The following MPHOSPH6 variants were observed in gnomAD, a reference collection of about 807,000 sequenced individuals.
MPHOSPH6 encodes M-phase phosphoprotein 6.
A neutral mutation model predicts 21.8 loss-of-function variants in MPHOSPH6; 25 were observed. The observed-to-expected ratio is 1.15, with a 90% CI of 0.83 to 1.60. The LOEUF (loss-of-function observed/expected upper bound fraction) is 1.60. Ranked by LOEUF, MPHOSPH6 falls within the 40% of genes most tolerant of loss-of-function variation. The probability of loss-of-function intolerance (pLI) is 0.00; values close to 1 mark genes in which losing one functional copy is unlikely to be tolerated. For missense variants in MPHOSPH6, 269 were observed against 181.8 expected (o/e 1.48, Z -2.76); for synonymous variants, 84 against 56.5 (o/e 1.49, Z -2.18).
At chr16:82,155,725 G>C (rs903580597) in intron 2 of MPHOSPH6, among the ~76,000 whole-genome samples, 2 of 152,090 alleles carry the variant, frequency 1.3e-5, no homozygotes, top group African/African-American at 4.8e-5. Flanking sequence ...CCAACACGGA[G>C]AAACAGTGTC....
intron 2 of MPHOSPH6, among the ~76,000 whole-genome samples, chr16:82,157,034 G>A (rs1906450006): frequency 6.6e-6 from 1 of 152,084 alleles, no homozygotes; most frequent in Non-Finnish European, 1.5e-5. Flanking sequence ...TTGGGCAACA[G>A]AGCGAGACTC....
intron 2 of MPHOSPH6, among the ~76,000 whole-genome samples, chr16:82,157,110 T>C (rs975173523): frequency 1.3e-5 from 2 of 151,692 alleles, no homozygotes; most frequent in Admixed American, 6.6e-5. Context: ...CAATCATGAG[T>C]TCTTTAACAT....
At chr16:82,157,074 A>G (rs1034341614) in intron 2 of MPHOSPH6, among the ~76,000 whole-genome samples, 1 of 152,060 alleles carries the variant, frequency 6.6e-6, no homozygotes, top group African/African-American at 2.4e-5. Flanking sequence ...AAATAAAAAT[A>G]AAAAAATAAA....
At chr16:82,155,330 A>G (rs1291896431) in intron 2 of MPHOSPH6, among the ~76,000 whole-genome samples, 3 of 152,238 alleles carry the variant, frequency 2.0e-5, no homozygotes, top group African/African-American at 7.2e-5. Context: ...GTCCTTAGCC[A>G]TGAAATAAAT....
chr16:82,167,927 C>T (rs1194384662), intron 1 of MPHOSPH6, among the ~76,000 whole-genome samples: 2 of 152,174 alleles, frequency 1.3e-5, no homozygotes, highest in Non-Finnish European at 2.9e-5. Context: ...CTGGTTAAGG[C>T]ACCCTAAGTG....
intron 2 of MPHOSPH6, among the ~76,000 whole-genome samples, chr16:82,163,203 G>A (rs12102917): frequency 0.65 from 98,335 of 152,162 alleles, 33,933 homozygotes; most frequent in Admixed American, 0.77. Flanking sequence ...ATCAGGTACA[G>A]AATGGAAACA....
intron 2 of MPHOSPH6, 153 bp downstream of exon 2, chr16:82,163,929 T>G (rs962626116): frequency 5.2e-6 from 3 of 574,536 alleles, no homozygotes; most frequent in African/African-American, 3.8e-5. Context: ...ACAACTTCTA[T>G]AGGTTTAATA....
intron 3 of MPHOSPH6, among the ~76,000 whole-genome samples, chr16:82,149,983 T>C (rs1906211608): frequency 6.6e-6 from 1 of 151,526 alleles, no homozygotes; most frequent in African/African-American, 2.4e-5. Flanking sequence ...CTCTTTCACA[T>C]AAACCTTTTT....
chr16:82,158,094 T>C (rs1188309087), intron 2 of MPHOSPH6, among the ~76,000 whole-genome samples: 3 of 152,128 alleles, frequency 2.0e-5, no homozygotes, highest in African/African-American at 7.2e-5. Flanking sequence ...CAGTTTCACA[T>C]TAGAATGTTC....
Position 82,148,809 on chromosome 16 carries a change from A to G in MPHOSPH6, c.405T>C (p.His135=). 2 of 1,614,072 alleles carry G rather than the reference A, an allele frequency of 1.2e-6. No individual in the cohort carries two copies. The highest frequency in any genetic ancestry group is 1.7e-6 in the Non-Finnish European group (2 of 1,180,010). The stretch of plus-strand genomic sequence containing the variant: ...CATTTTCATCTTCTTCATAATTGGC[A>G]TGGTCTCTCTTTCTGGCAAACTTTT... ...IGKKFARKRD[H]ANYEEDENGD... is the part of the protein sequence containing the mutation. The change falls in exon 5 of 5, where the codon CAT becomes CAC. Residue 135 remains histidine (H), a synonymous_variant. Transcript: ENST00000258169.
intron 1 of MPHOSPH6, among the ~76,000 whole-genome samples, chr16:82,168,030 A>C (rs1906843023): frequency 6.6e-6 from 1 of 152,162 alleles, no homozygotes. Flanking sequence ...CTTATCAATG[A>C]CCAAAGCTGC....
At chr16:82,162,351 C>T (rs1011700021) in intron 2 of MPHOSPH6, 1 of 152,236 alleles carries the variant, frequency 6.6e-6, no homozygotes, top group African/African-American at 2.4e-5. Flanking sequence ...CAATACAACA[C>T]GTATACCAAG....
In MPHOSPH6 at chr16:82,151,448, G is replaced by A. The variant is rs938381247; in HGVS notation, c.231C>T (p.Phe77=). ...CEDLLYGRMS[F]RGFNPEVEKL... ...CCTCAACCTCAGGATTAAATCCTCTGAATGACATTCTTCCATAGAGAAGAT... is the reference window on the plus strand; with the variant it reads ...CCTCAACCTCAGGATTAAATCCTCTAAATGACATTCTTCCATAGAGAAGAT... Residue 77 remains phenylalanine (F), a synonymous_variant, in exon 3 of 5, where the codon TTC becomes TTT. Transcript: ENST00000258169. 1.9e-6 allele frequency: 3 copies of A among 1,606,744 alleles called. No homozygotes were observed. The highest frequency in any genetic ancestry group is 2.5e-6 in the Non-Finnish European group (3 of 1,176,992).
intron 1 of MPHOSPH6, among the ~76,000 whole-genome samples, chr16:82,168,771 C>G (rs10514533): frequency 0.14 from 22,006 of 152,166 alleles, 2,302 homozygotes; most frequent in Admixed American, 0.34. Flanking sequence ...TGCGAATGGC[C>G]TATCTTTCAA....
rs1405320581 is a variant in MPHOSPH6, at chr16:82,151,524, A to G, written c.165-10T>C. ...TTCTATTATGAAACTCCTAAATGGGAAAATAAAAATAGCATTTCTCCATAT... is the reference window on the plus strand; with the variant it reads ...TTCTATTATGAAACTCCTAAATGGGGAAATAAAAATAGCATTTCTCCATAT... On this transcript the variant is annotated splice_polypyrimidine_tract_variant and intron_variant, in intron 2 of 4. Coordinates refer to ENST00000258169, the MANE Select transcript of MPHOSPH6 (RefSeq NM_005792.2). The G allele has an allele frequency of 6.4e-7, 1 of 1,566,016 alleles. No homozygotes were observed. The highest frequency in any genetic ancestry group is 8.6e-7 in the Non-Finnish European group (1 of 1,161,224).
At chr16:82,169,627 T>C (rs1906904948) in intron 1 of MPHOSPH6, among the ~76,000 whole-genome samples, 1 of 152,202 alleles carries the variant, frequency 6.6e-6, no homozygotes, top group African/African-American at 2.4e-5. Context: ...TCTGAAGAAC[T>C]CTACTAAAAG....
At chr16:82,151,813 T>C (rs72835384) in intron 2 of MPHOSPH6, among the ~76,000 whole-genome samples, 1,716 of 152,358 alleles carry the variant, frequency 0.011, 14 homozygotes, top group Middle Eastern at 0.034. Flanking sequence ...TTTGCCAAAG[T>C]TGAAGCAAAG....
chr16:82,154,143 T>C (rs1417281582), intron 2 of MPHOSPH6, among the ~76,000 whole-genome samples: 2 of 152,346 alleles, frequency 1.3e-5, no homozygotes, highest in African/African-American at 4.8e-5. Context: ...AAATTTACCC[T>C]GCAATTGCAT....
In MPHOSPH6 at chr16:82,148,617, CTTTACAA is replaced by C. The variant is rs1044252432; in HGVS notation, c.*107_*113del. 9.3e-6 allele frequency: 12 copies of C among 1,291,254 alleles called. No homozygotes were observed. Among genetic ancestry groups the C allele is most frequent in the Non-Finnish European group, 1.3e-5 (12 of 955,550 alleles). 80.0% of individuals were successfully genotyped at this position (1,291,254 alleles called of 1,614,324 possible). The stretch of plus-strand genomic sequence containing the variant: ...CAGCATGTTTCTAAAATGATAATCT[CTTTACAA>C]GTAAACGTTACAGTATTAATAACTA... On this transcript the variant is annotated 3_prime_UTR_variant, in exon 5 of 5. Transcript: ENST00000258169.
Sources: allele counts gnomAD v4.1 joint callset (sites outside exome capture counted in the v4.1 genomes callset), GRCh38; gene constraint gnomAD v4.1.1; transcripts MANE v1.5; gene names NCBI Gene and HGNC (gene_info 2026-07-23, HGNC 2026-07-21).